Variants in ALMS1 observed in about 807,000 individuals in gnomAD.
The protein encoded by ALMS1 is centrosome-associated protein ALMS1.
ALMS1 carries 271 observed loss-of-function variants against 352.2 expected under a neutral mutation model. That is an observed-to-expected ratio of 0.77 (90% CI 0.70 to 0.85). ALMS1 has a LOEUF of 0.85. Among genes scored for constraint, ALMS1 ranks in the 40% least tolerant of loss-of-function variants. ALMS1 has a pLI of 0.00. For missense variants in ALMS1, 5,445 were observed against 4,870.7 expected, an observed-to-expected ratio of 1.12 and a Z score of -3.51; for synonymous variants, 1,865 against 1,761.2, an observed-to-expected ratio of 1.06 and a Z score of -1.48.
intron 1 of ALMS1, among the ~76,000 whole-genome samples, chr2:73,406,349 T>A (rs1670971502): frequency 6.6e-6 from 1 of 152,076 alleles, no homozygotes; most frequent in Admixed American, 6.6e-5. Flanking sequence ...TCTTTTTGAA[T>A]CTTTTTACTT....
At chr2:73,424,928 T>C (rs1252916826) in intron 5 of ALMS1, 26 bp downstream of exon 5, 1 of 1,550,940 alleles carries the variant, frequency 6.4e-7, no homozygotes, top group South Asian at 1.2e-5. Context: ...CTTTTTCAGA[T>C]TCATCTGACA....
At chr2:73,568,075 A>G (rs1027938636) in intron 15 of ALMS1, among the ~76,000 whole-genome samples, 1 of 152,200 alleles carries the variant, frequency 6.6e-6, no homozygotes, top group Admixed American at 6.5e-5. Context: ...CAAAAAGCTT[A>G]TAGTAAAAGA....
intron 11 of ALMS1, among the ~76,000 whole-genome samples, chr2:73,527,174 T>C (rs1673808164): frequency 1.3e-5 from 2 of 152,074 alleles, no homozygotes; most frequent in Admixed American, 6.5e-5. Flanking sequence ...GGTTTGCTAG[T>C]ATTTTGTTGA....
At chr2:73,512,248 C>G (rs528335842) in intron 10 of ALMS1, among the ~76,000 whole-genome samples, 133 of 152,082 alleles carry the variant, frequency 8.7e-4, no homozygotes, top group African/African-American at 2.7e-3. Context: ...CCACGCCTAG[C>G]TAATTTTTAT....
intron 13 of ALMS1, 97 bp from the exon 14 acceptor site, chr2:73,557,123 G>T: frequency 6.5e-7 from 1 of 1,535,514 alleles, no homozygotes; most frequent in Middle Eastern, 1.8e-4. Context: ...ATATGTAAAT[G>T]GGTTTGGGGT....
intron 15 of ALMS1, among the ~76,000 whole-genome samples, chr2:73,563,780 AC>A (rs944106359): frequency 5.3e-5 from 8 of 151,384 alleles, no homozygotes; most frequent in Non-Finnish European, 1.0e-4. Flanking sequence ...TATGAAAACA[AC>A]TCTTAGGATG....
At chr2:73,570,699 A>T (rs541619031) in intron 15 of ALMS1, among the ~76,000 whole-genome samples, 1 of 152,320 alleles carries the variant, frequency 6.6e-6, no homozygotes, top group African/African-American at 2.4e-5. Context: ...TCTGGAAGGG[A>T]AGATGAGTTG....
At chr2:73,513,852 A>G (rs1384554423) in intron 10 of ALMS1, among the ~76,000 whole-genome samples, 1 of 152,086 alleles carries the variant, frequency 6.6e-6, no homozygotes, top group Non-Finnish European at 1.5e-5. Flanking sequence ...GTGCTAGGAC[A>G]CTTCTTTACA....
At chr2:73,534,628 G>A (rs1673988437) in intron 11 of ALMS1, among the ~76,000 whole-genome samples, 196 bp from the exon 12 acceptor site, 2 of 152,026 alleles carry the variant, frequency 1.3e-5, no homozygotes, top group African/African-American at 2.4e-5. Flanking sequence ...TACTCATTTA[G>A]TATGTTAATT....
At chr2:73,440,691 C>T (rs1232395982) in intron 7 of ALMS1, among the ~76,000 whole-genome samples, 2 of 152,162 alleles carry the variant, frequency 1.3e-5, no homozygotes, top group African/African-American at 2.4e-5. Flanking sequence ...TCCCAAAGTG[C>T]TGGGATTATA....
chr2:73,479,482 C>G (rs1672650557), intron 9 of ALMS1, among the ~76,000 whole-genome samples: 1 of 152,100 alleles, frequency 6.6e-6, no homozygotes, highest in Admixed American at 6.5e-5. Context: ...TAGTATGCAA[C>G]CTTATTGTAT....
At chr2:73,603,937 C>G (rs1242231773) in intron 21 of ALMS1, 2 of 152,640 alleles carry the variant, frequency 1.3e-5, no homozygotes, top group Non-Finnish European at 2.9e-5. Context: ...CTAGCAATCC[C>G]ATTTCTAGGA....
At chr2:73,461,625 A>T (rs1672204438) in intron 9 of ALMS1, among the ~76,000 whole-genome samples, 1 of 152,218 alleles carries the variant, frequency 6.6e-6, no homozygotes, top group African/African-American at 2.4e-5. Flanking sequence ...TGAAGAGTTG[A>T]GAGAAGAAGG....
chr2:73,609,172 T>C (rs1450360253), intron 22 of ALMS1, among the ~76,000 whole-genome samples: 1 of 152,234 alleles, frequency 6.6e-6, no homozygotes, highest in Non-Finnish European at 1.5e-5. Context: ...CTTCTCACCC[T>C]GTCAGTCACC....
chr2:73,390,834 G>A (rs538198661), intron 1 of ALMS1, among the ~76,000 whole-genome samples: 2 of 151,438 alleles, frequency 1.3e-5, no homozygotes, highest in Non-Finnish European at 2.9e-5. Context: ...GCAGTGGCCC[G>A]ATCTTGGCTA....
At position 73,449,829 on chromosome 2, in the gene ALMS1, AGAAG is replaced by A; in HGVS notation, c.3303_3306del (p.Glu1101AspfsTer20). On this transcript the variant is annotated frameshift_variant, in exon 8 of 23. Coordinates refer to ENST00000613296, the MANE Select transcript of ALMS1 (RefSeq NM_001378454.1). LOFTEE classifies it high-confidence loss of function. ...CCGTCTACTTTCTACTCACAAAGAG[AGAAG>A]CCTGGTATTTTCTACCAACAGACCT... The A allele has an allele frequency of 6.2e-7, 1 of 1,613,994 alleles. No individual in the cohort carries two copies. Among genetic ancestry groups the A allele is most frequent in the South Asian group, 1.1e-5 (1 of 91,086 alleles).
chr2:73,564,892 A>G (rs886802187), intron 15 of ALMS1, among the ~76,000 whole-genome samples: 1 of 152,166 alleles, frequency 6.6e-6, no homozygotes, highest in Non-Finnish European at 1.5e-5. Context: ...ATAACCACAA[A>G]CTAGTGTTCA....
intron 15 of ALMS1, among the ~76,000 whole-genome samples, chr2:73,564,343 A>G (rs1674756928): frequency 6.6e-6 from 1 of 151,556 alleles, no homozygotes; most frequent in Non-Finnish European, 1.5e-5. Flanking sequence ...GTGCATGCCG[A>G]TAATCCCAGC....
chr2:73,573,858 T>C (rs960059686), intron 16 of ALMS1, among the ~76,000 whole-genome samples: 17 of 152,074 alleles, frequency 1.1e-4, no homozygotes, highest in African/African-American at 9.7e-5. Context: ...AGGGTTTTTT[T>C]TTTTGTAATT....
Sources: gnomAD v4.1 joint callset for allele counts (sites outside exome capture counted in the v4.1 genomes callset) on GRCh38, gnomAD v4.1.1 for gene constraint, MANE v1.5 for transcripts, NCBI Gene and HGNC (gene_info 2026-07-23, HGNC 2026-07-21) for gene names.